Variants in BOLL observed in about 807,000 individuals in gnomAD.
BOLL encodes the protein boule RNA binding protein, also known as protein boule-like.
BOLL carries 23 observed loss-of-function variants against 44.4 expected under a neutral mutation model. That is an observed-to-expected ratio of 0.52 (90% CI 0.37 to 0.73). The LOEUF (loss-of-function observed/expected upper bound fraction) is 0.73, where lower values mean the gene tolerates loss of function less well. BOLL is among the 30% of genes least tolerant of loss of function. The probability of loss-of-function intolerance (pLI) is 0.00; values close to 1 mark genes in which losing one functional copy is unlikely to be tolerated. For synonymous variants in BOLL, 97 were observed against 110.8 expected (o/e 0.88, Z 0.78); for missense variants, 287 against 338.3 (o/e 0.85, Z 1.19).
intron 7 of BOLL, among the ~76,000 whole-genome samples, chr2:197,760,681 AAAC>A (rs1246494889): frequency 6.6e-6 from 1 of 152,184 alleles, no homozygotes; most frequent in Non-Finnish European, 1.5e-5. Flanking sequence ...AGAAACTTGG[AAAC>A]ACAACTAGAG....
intron 1 of BOLL, among the ~76,000 whole-genome samples, chr2:197,783,136 T>G (rs1023576327): frequency 6.6e-6 from 1 of 151,974 alleles, no homozygotes; most frequent in Non-Finnish European, 1.5e-5. Context: ...ACAAACCCCA[T>G]AATATCCTAA....
chr2:197,757,276 C>T, intron 8 of BOLL, 77 bp downstream of exon 8: 1 of 1,283,572 alleles, frequency 7.8e-7, no homozygotes, highest in South Asian at 1.4e-5. Context: ...ATCTAAAAAA[C>T]TTTAGTATTC....
chr2:197,754,750 A>C lies in BOLL; in HGVS notation c.729+1678T>G, dbSNP rs994444606. ...CAAAAAACAAACAAAAAAACCCCAA[A>C]ACACACACACACACACACACACACA... On this transcript the variant is annotated intron_variant, in intron 9 of 10. Transcript: ENST00000392296. Among the ~76,000 whole-genome samples the C allele has an allele frequency of 4.0e-5, 6 of 150,086 alleles. No individual in the cohort carries two copies. The East Asian group carries it at 1.2e-3, about 30-fold the overall frequency.
intron 3 of BOLL, among the ~76,000 whole-genome samples, chr2:197,778,319 C>A (rs1689607087): frequency 6.6e-6 from 1 of 151,864 alleles, no homozygotes; most frequent in African/African-American, 2.4e-5. Flanking sequence ...AAATACAATA[C>A]TTTACTGCCT....
upstream of BOLL, among the ~76,000 whole-genome samples, chr2:197,785,656 G>T (rs954617043): frequency 2.0e-5 from 3 of 152,218 alleles, no homozygotes; most frequent in African/African-American, 7.2e-5. The surrounding 1 kb of genome is among the most constrained non-coding windows in gnomAD (Gnocchi z 6.7). Context: ...CAATTTCGGC[G>T]GGAAAGCGGT....
At chr2:197,785,832 C>T, upstream of BOLL, 4 of 738,696 alleles carry the variant, frequency 5.4e-6, no homozygotes, top group East Asian at 2.7e-5. This position sits in a 1 kb window ranked among gnomAD's most constrained non-coding sequence, Gnocchi z 6.7. Context: ...CTCCTGGCAG[C>T]GGTCGATGGG....
rs372459069 is a variant in BOLL, at chr2:197,778,961, A to G, written c.221+14T>C. On this transcript the variant is annotated intron_variant, in intron 3 of 10. Coordinates refer to ENST00000392296, the MANE Select transcript of BOLL (RefSeq NM_033030.6). The stretch of plus-strand genomic sequence containing the variant: ...GAGTTGCTAATTCCATAGACAATCT[A>G]TAGTGATACTAACCCTTTGGATACT... The G allele has an allele frequency of 4.4e-6, 7 of 1,595,356 alleles. No individual in the cohort carries two copies. The Admixed American group carries it at 6.8e-5, about 15-fold the overall frequency.
intron 1 of BOLL, among the ~76,000 whole-genome samples, chr2:197,784,117 G>C (rs1411726794): frequency 1.3e-5 from 2 of 151,554 alleles, no homozygotes; most frequent in Non-Finnish European, 2.9e-5. Context: ...CTCTATTGTG[G>C]GCTCGCTCTG....
intron 4 of BOLL, 25 bp from the exon 5 acceptor site, chr2:197,775,765 T>A: frequency 7.5e-7 from 1 of 1,330,118 alleles, no homozygotes; most frequent in Non-Finnish European, 1.0e-6. Flanking sequence ...AAAGAAATTA[T>A]TTTATTATTT....
At chr2:197,738,793 G>A (rs1419458328) in intron 10 of BOLL, among the ~76,000 whole-genome samples, 2 of 151,966 alleles carry the variant, frequency 1.3e-5, no homozygotes, top group Non-Finnish European at 2.9e-5. Flanking sequence ...CAAGATTTTT[G>A]GTACTAGAGA....
intron 10 of BOLL, among the ~76,000 whole-genome samples, chr2:197,736,157 C>A (rs752250363): frequency 6.6e-6 from 1 of 151,950 alleles, no homozygotes; most frequent in Non-Finnish European, 1.5e-5. Flanking sequence ...ATCTCATATC[C>A]CCTGATATGA....
intron 1 of BOLL, among the ~76,000 whole-genome samples, chr2:197,782,270 T>C (rs980618794): frequency 1.3e-5 from 2 of 152,200 alleles, no homozygotes; most frequent in African/African-American, 4.8e-5. Context: ...TGGTGTTCTC[T>C]TGTTAACAGA....
intron 10 of BOLL, among the ~76,000 whole-genome samples, chr2:197,733,838 A>G (rs1451579716): frequency 6.6e-6 from 1 of 152,220 alleles, no homozygotes; most frequent in Non-Finnish European, 1.5e-5. Flanking sequence ...CTTACATGTT[A>G]GACGTAAAAC....
intron 8 of BOLL, among the ~76,000 whole-genome samples, chr2:197,756,821 T>C (rs1249257057): frequency 6.6e-6 from 1 of 152,146 alleles, no homozygotes; most frequent in Non-Finnish European, 1.5e-5. Flanking sequence ...CAGATAATAA[T>C]TATGGTTATA....
intron 9 of BOLL, 139 bp downstream of exon 9, chr2:197,756,289 G>C: frequency 1.2e-6 from 1 of 820,884 alleles, no homozygotes. Context: ...TATAAGAAAG[G>C]GGAAGAGATT....
chr2:197,738,705 C>G (rs1687606547), intron 10 of BOLL, among the ~76,000 whole-genome samples: 1 of 152,058 alleles, frequency 6.6e-6, no homozygotes. Context: ...ATCATTAGAG[C>G]TTTAAAAATG....
chr2:197,738,837 T>A (rs879544766), intron 10 of BOLL, among the ~76,000 whole-genome samples: 16 of 152,200 alleles, frequency 1.1e-4, no homozygotes, highest in Non-Finnish European at 1.8e-4. Flanking sequence ...AGGCTAATGT[T>A]TCAAATGTCA....
At chr2:197,754,582 C>T (rs748158190) in intron 9 of BOLL, among the ~76,000 whole-genome samples, 2 of 152,090 alleles carry the variant, frequency 1.3e-5, no homozygotes, top group African/African-American at 4.8e-5. Context: ...GGCATGGTGG[C>T]ACGTGCCTGT....
chr2:197,737,177 A>G (rs1687530796), intron 10 of BOLL, among the ~76,000 whole-genome samples: 1 of 152,096 alleles, frequency 6.6e-6, no homozygotes, highest in African/African-American at 2.4e-5. Flanking sequence ...ATTTCCTCTA[A>G]TACATACGTT....
Sources: allele counts gnomAD v4.1 joint callset (sites outside exome capture counted in the v4.1 genomes callset), GRCh38; gene constraint gnomAD v4.1.1; non-coding constraint Gnocchi (gnomAD v3.1); transcripts MANE v1.5; gene names NCBI Gene and HGNC (gene_info 2026-07-23, HGNC 2026-07-21).